CTRB1: variants seen among roughly 807,000 people sequenced by gnomAD.
CTRB1 encodes chymotrypsinogen B.
A neutral mutation model predicts 20.4 loss-of-function variants in CTRB1; 15 were observed. That is an observed-to-expected ratio of 0.74 (90% confidence interval 0.49 to 1.13). CTRB1 has a LOEUF of 1.13. CTRB1 is among the 50% of genes most tolerant of loss of function. The probability of loss-of-function intolerance (pLI) is 0.00; values close to 1 mark genes in which losing one functional copy is unlikely to be tolerated. For missense variants in CTRB1, 227 were observed against 290.1 expected, an observed-to-expected ratio of 0.78 and a Z score of 1.58; for synonymous variants, 92 against 128.4, an observed-to-expected ratio of 0.72 and a Z score of 1.92.
chr16:75,222,072 A>G (rs1293502650), intron 1 of CTRB1, among the ~76,000 whole-genome samples: 2 of 146,508 alleles, frequency 1.4e-5, no homozygotes, highest in South Asian at 2.2e-4. Flanking sequence ...AAGAAAAAAA[A>G]AAAAAAAAAA....
At chr16:75,224,636 T>C (rs2076719872) in intron 6 of CTRB1, 69 bp from the exon 7 acceptor site, 24 of 1,505,514 alleles carry the variant, frequency 1.6e-5, no homozygotes, top group South Asian at 2.5e-5. Context: ...CTGGGAACAA[T>C]GTCCAGTGGC....
rs1454470836 is a variant in CTRB1, at chr16:75,224,863, C to G, written c.789C>G (p.Asn263Lys). 3.1e-6 allele frequency: 5 copies of G among 1,613,728 alleles called. No individual in the cohort carries two copies. Among genetic ancestry groups the G allele is most frequent in the African/African-American group, 1.3e-5 (1 of 75,062 alleles). The change falls in exon 7 of 7, where the codon AAC becomes AAG. Residue 263 changes from asparagine to lysine, a missense_variant. Physicochemically the swap from Asn to Lys is moderately conservative, Grantham distance 94. Around this residue, in one of 4 missense-constraint regions of CTRB1, gnomAD observed 108 missense variants for 76.9 expected, o/e 1.41. Coordinates refer to ENST00000361017, the MANE Select transcript of CTRB1 (RefSeq NM_001906.6). The part of the protein sequence containing the change: ...IPWVQKILAA[N>K] ...GGGTGCAGAAGATCCTGGCTGCCAA[C>G]TGAGCCCGCGGCTCCCTCCGACCCT...
rs762506069 is a variant in CTRB1, at chr16:75,218,988, A to T, written c.-20A>T. The T allele has an allele frequency of 6.4e-7, 1 of 1,573,330 alleles. No individual in the cohort carries two copies. On this transcript the variant is annotated 5_prime_UTR_variant, in exon 1 of 7. Coordinates refer to ENST00000361017, the MANE Select transcript of CTRB1 (RefSeq NM_001906.6). Reference sequence around the variant, plus strand: ...AGGGGCCCCGCAGCTGGCAGGCCCCACACCTTCTGAGGCAGCGGCATGGCT... The same window carrying T: ...AGGGGCCCCGCAGCTGGCAGGCCCCTCACCTTCTGAGGCAGCGGCATGGCT...
Position 75,219,077 on chromosome 16 carries a change from AG to A in CTRB1, c.52+22del. On this transcript the variant is annotated intron_variant, in intron 1 of 6. Coordinates refer to ENST00000361017, the MANE Select transcript of CTRB1 (RefSeq NM_001906.6). ...CGCCTTTGGTGAGTGCTGGTGCCCGAGGGGTCTGTCCTGAGGGAGCCCTGAG... is the reference window on the plus strand; with the variant it reads ...CGCCTTTGGTGAGTGCTGGTGCCCGAGGGTCTGTCCTGAGGGAGCCCTGAG... The A allele has an allele frequency of 6.3e-7, 1 of 1,579,880 alleles. No homozygotes were observed.
chr16:75,222,597 G>T (rs985247801), intron 1 of CTRB1, 171 bp from the exon 2 acceptor site: 8 of 679,226 alleles, frequency 1.2e-5, no homozygotes, highest in Non-Finnish European at 1.7e-5. Flanking sequence ...CCGAGAGTTG[G>T]GAACGTTTGA....
chr16:75,219,115 G>C, intron 1 of CTRB1, 56 bp downstream of exon 1: 1 of 1,536,008 alleles, frequency 6.5e-7, no homozygotes, highest in African/African-American at 1.4e-5. Context: ...CTGGCTGAGA[G>C]GGGGATCTGA....
chr16:75,220,817 G>T (rs1411098312), intron 1 of CTRB1, among the ~76,000 whole-genome samples: 1 of 151,868 alleles, frequency 6.6e-6, no homozygotes, highest in African/African-American at 2.4e-5. Flanking sequence ...GGAGTGCAGT[G>T]GCATGATTTC....
At chr16:75,219,102 A>G in intron 1 of CTRB1, 43 bp downstream of exon 1, 1 of 1,552,830 alleles carries the variant, frequency 6.4e-7, no homozygotes, top group Non-Finnish European at 8.7e-7. Flanking sequence ...GGGAGCCCTG[A>G]GCCTGGCTGA....
intron 1 of CTRB1, among the ~76,000 whole-genome samples, chr16:75,221,411 G>A (rs1386409991): frequency 6.6e-6 from 1 of 152,138 alleles, no homozygotes; most frequent in Non-Finnish European, 1.5e-5. Flanking sequence ...CCAGGCTGGA[G>A]TGCAGTGGCA....
chr16:75,222,110 A>C (rs1418555528), intron 1 of CTRB1, among the ~76,000 whole-genome samples: 2 of 150,758 alleles, frequency 1.3e-5, no homozygotes, highest in African/African-American at 4.9e-5. Context: ...GCAGTGGGCC[A>C]TGATGACACC....
intron 6 of CTRB1, 116 bp downstream of exon 6, chr16:75,224,304 C>T (rs1222876981): frequency 1.4e-5 from 22 of 1,531,980 alleles, no homozygotes; most frequent in Non-Finnish European, 1.6e-5. Context: ...GTGTCAGAGT[C>T]GCCTTGTTGC....
chr16:75,223,010 C>G lies in CTRB1; in HGVS notation c.198C>G (p.Ser66Arg). 9.9e-7 allele frequency: 1 copy of G among 1,006,872 alleles called. No homozygotes were observed. Among genetic ancestry groups the G allele is most frequent in the Non-Finnish European group, 1.4e-6 (1 of 697,770 alleles). 62.4% of individuals were successfully genotyped at this position (1,006,872 alleles called of 1,614,324 possible). The change falls in exon 3 of 7, where the codon AGC (serine) becomes AGG (arginine). Residue 66 changes from serine (S) to arginine (R), a missense_variant. Ser to Arg is a moderately radical substitution (Grantham distance 110). Transcript: ENST00000361017. ...GFHFCGGSLISEDWVVTAAHC... is the reference protein window; with the variant it reads ...GFHFCGGSLIREDWVVTAAHC... The stretch of plus-strand genomic sequence containing the variant: ...ACTTCTGCGGGGGCTCCCTCATCAG[C>G]GAGGACTGGGTGGTCACCGCTGCCC...
chr16:75,221,841 T>C (rs1412523215), intron 1 of CTRB1, among the ~76,000 whole-genome samples: 2 of 150,946 alleles, frequency 1.3e-5, no homozygotes, highest in African/African-American at 2.4e-5. Context: ...GGCGGGTGGA[T>C]CACAAGGTCA....
At chr16:75,219,252 C>G (rs2039043905) in intron 1 of CTRB1, among the ~76,000 whole-genome samples, 193 bp downstream of exon 1, 1 of 152,190 alleles carries the variant, frequency 6.6e-6, no homozygotes, top group African/African-American at 2.4e-5. Flanking sequence ...CGATGCTGGT[C>G]TCTGCCATGG....
rs372716369 is a variant in CTRB1, at chr16:75,222,803, G to A, written c.88G>A (p.Gly30Ser). The A allele has an allele frequency of 1.6e-4, 241 of 1,552,674 alleles. No homozygotes were observed. The highest frequency in any genetic ancestry group is 3.0e-4 in the South Asian group (25 of 84,372). ...GVPAIHPVLS[G>S]LSRIVNGEDA... is the part of the protein sequence containing the mutation. ...CCCCGCCATCCACCCTGTGCTCAGC[G>A]GCCTGTCCAGGATCGTGAATGGGGA... The change falls in exon 2 of 7, where the codon GGC becomes AGC. Residue 30 changes from glycine (G) to serine (S), a missense_variant. By Grantham distance (56) the Gly-to-Ser change is moderately conservative. This residue lies in a region of CTRB1 where 71 missense variants were observed against 69.1 expected (regional missense o/e 1.03). Coordinates refer to ENST00000361017, the MANE Select transcript of CTRB1 (RefSeq NM_001906.6).
chr16:75,220,431 A>G (rs2039067351), intron 1 of CTRB1, among the ~76,000 whole-genome samples: 1 of 152,088 alleles, frequency 6.6e-6, no homozygotes, highest in African/African-American at 2.4e-5. Context: ...TGATCCGCCC[A>G]CCTCAGCCTC....
intron 1 of CTRB1, among the ~76,000 whole-genome samples, chr16:75,222,064 GA>G (rs71158588): frequency 0.021 from 2,228 of 108,500 alleles, 30 homozygotes; most frequent in African/African-American, 0.071. Flanking sequence ...GTCTCAAAAA[GA>G]AAAAAAAAAA....
chr16:75,221,024 C>T (rs1555530510), intron 1 of CTRB1, among the ~76,000 whole-genome samples: 1 of 152,156 alleles, frequency 6.6e-6, no homozygotes. Context: ...CCAACGTGCT[C>T]TTTCTCATTT....
intron 1 of CTRB1, among the ~76,000 whole-genome samples, chr16:75,222,332 C>A (rs562256506): frequency 6.6e-6 from 1 of 152,162 alleles, no homozygotes. Context: ...CTTCCCCTCT[C>A]GCCACCAGTC....
Sources: allele counts gnomAD v4.1 joint callset (sites outside exome capture counted in the v4.1 genomes callset), GRCh38; gene constraint gnomAD v4.1.1; regional missense constraint gnomAD v4.1.1; transcripts MANE v1.5; gene names NCBI Gene and HGNC (gene_info 2026-07-23, HGNC 2026-07-21).